Variants in THSD7A observed in about 807,000 individuals in gnomAD.
The protein encoded by THSD7A is thrombospondin type 1 domain containing 7A, also known as thrombospondin type-1 domain-containing protein 7A.
Under a neutral mutation model 231.3 loss-of-function variants are expected in THSD7A, and 96 were observed. That is an observed-to-expected ratio of 0.41 (90% CI 0.35 to 0.49). The LOEUF (loss-of-function observed/expected upper bound fraction) is 0.49, where lower values mean the gene tolerates loss of function less well. Ranked by LOEUF, THSD7A falls within the 20% of genes least tolerant of loss-of-function variation. The pLI, the probability that THSD7A is intolerant of heterozygous loss-of-function variation, is 0.05. For missense variants in THSD7A, 2,290 were observed against 2,070.2 expected (o/e 1.11, Z -2.06); for synonymous variants, 940 against 743.3 (o/e 1.26, Z -4.30).
chr7:11,588,834 T>C (rs1780029630), intron 4 of THSD7A, among the ~76,000 whole-genome samples: 1 of 152,224 alleles, frequency 6.6e-6, no homozygotes, highest in Non-Finnish European at 1.5e-5. Context: ...CAAGAAAATA[T>C]TAATGTCCTA....
intron 6 of THSD7A, among the ~76,000 whole-genome samples, chr7:11,511,377 C>T (rs1787801914): frequency 6.6e-6 from 1 of 152,272 alleles, no homozygotes; most frequent in Non-Finnish European, 1.5e-5. Flanking sequence ...TTTATAGATT[C>T]AATGCCATCC....
intron 1 of THSD7A, among the ~76,000 whole-genome samples, chr7:11,704,345 T>C (rs1018445990): frequency 3.3e-5 from 5 of 151,076 alleles, no homozygotes; most frequent in Admixed American, 2.6e-4. Context: ...TTGGTATATA[T>C]ACTGAAATAT....
At chr7:11,401,341 C>T (rs531593655) in intron 23 of THSD7A, among the ~76,000 whole-genome samples, 28 of 152,256 alleles carry the variant, frequency 1.8e-4, no homozygotes, top group African/African-American at 5.3e-4. Flanking sequence ...TCCATCTTTC[C>T]AATCTTTAGA....
chr7:11,554,127 T>C (rs1359242962), intron 4 of THSD7A, among the ~76,000 whole-genome samples: 2 of 151,994 alleles, frequency 1.3e-5, no homozygotes, highest in Non-Finnish European at 2.9e-5. Flanking sequence ...ATCAATGTAC[T>C]TTGGTTGTAT....
intron 1 of THSD7A, among the ~76,000 whole-genome samples, chr7:11,813,077 C>T (rs533976059): frequency 3.9e-5 from 6 of 152,284 alleles, no homozygotes; most frequent in Admixed American, 3.3e-4. Context: ...AACAGGTTAG[C>T]ATTGAAAGTT....
At chr7:11,683,409 A>T (rs369374026) in intron 1 of THSD7A, among the ~76,000 whole-genome samples, 12 of 152,184 alleles carry the variant, frequency 7.9e-5, no homozygotes, top group Admixed American at 3.9e-4. Context: ...GAGACCAAAA[A>T]ATCTATACAA....
chr7:11,707,797 T>G (rs892599474), intron 1 of THSD7A, among the ~76,000 whole-genome samples: 10 of 150,882 alleles, frequency 6.6e-5, no homozygotes, highest in African/African-American at 2.2e-4. Context: ...TCATTCAGCT[T>G]GAGCCAAAAT....
intron 1 of THSD7A, among the ~76,000 whole-genome samples, chr7:11,750,714 G>A (rs542235237): frequency 2.6e-5 from 4 of 152,042 alleles, no homozygotes; most frequent in Admixed American, 6.6e-5. Flanking sequence ...AGGAAGATCC[G>A]GCACTTGTAC....
At chr7:11,815,807 AT>A in intron 1 of THSD7A, among the ~76,000 whole-genome samples, 2 of 152,180 alleles carry the variant, frequency 1.3e-5, no homozygotes, top group Admixed American at 6.5e-5. Flanking sequence ...TAAACTTATT[AT>A]TATGAAAAGA....
intron 8 of THSD7A, among the ~76,000 whole-genome samples, chr7:11,472,391 T>A (rs1785972695): frequency 6.6e-6 from 1 of 152,166 alleles, no homozygotes; most frequent in Non-Finnish European, 1.5e-5. Context: ...TAAAACAAAT[T>A]TTCAATTTGC....
At chr7:11,816,695 A>G (rs1247631838) in intron 1 of THSD7A, among the ~76,000 whole-genome samples, 1 of 151,084 alleles carries the variant, frequency 6.6e-6, no homozygotes, top group Admixed American at 6.6e-5. Context: ...AAAACTTTGT[A>G]AAATAAAATC....
Position 11,424,736 on chromosome 7 carries a change from G to T in THSD7A, c.3343C>A (p.Arg1115=), listed in dbSNP as rs749274592. 3 of 1,613,912 alleles carry T rather than the reference G, an allele frequency of 1.9e-6. No individual in the cohort carries two copies. Among genetic ancestry groups the T allele is most frequent in the Non-Finnish European group, 2.5e-6 (3 of 1,179,872 alleles). Residue 1115 remains arginine, a synonymous_variant, in exon 16 of 28, where the codon CGG becomes AGG. Coordinates refer to ENST00000423059, the MANE Select transcript of THSD7A (RefSeq NM_015204.3). ...SICKVTFVNM[R]ENCGEGVQTR... is the part of the protein sequence containing the mutation. Reference sequence around the variant, plus strand: ...TGCACGCCCTCTCCACAGTTCTCCCGCATATTCACAAAGGTCACCTTGCAG... The same window carrying T: ...TGCACGCCCTCTCCACAGTTCTCCCTCATATTCACAAAGGTCACCTTGCAG...
intron 1 of THSD7A, among the ~76,000 whole-genome samples, chr7:11,688,920 A>G (rs1195132635): frequency 1.3e-5 from 2 of 151,870 alleles, no homozygotes; most frequent in Non-Finnish European, 2.9e-5. Flanking sequence ...AGTATATAAT[A>G]AAAATAGACT....
chr7:11,458,711 G>A (rs1386658797), intron 11 of THSD7A, among the ~76,000 whole-genome samples: 1 of 152,082 alleles, frequency 6.6e-6, no homozygotes, highest in Non-Finnish European at 1.5e-5. Context: ...CAGAGGGAGT[G>A]GGTAACAAGT....
At chr7:11,441,689 T>G (rs746799097) in intron 13 of THSD7A, among the ~76,000 whole-genome samples, 16 of 152,076 alleles carry the variant, frequency 1.1e-4, no homozygotes, top group East Asian at 1.9e-4. Flanking sequence ...AAGATGATAT[T>G]GGTTGATGAA....
At chr7:11,762,995 C>T (rs910725155) in intron 1 of THSD7A, among the ~76,000 whole-genome samples, 6 of 152,098 alleles carry the variant, frequency 3.9e-5, no homozygotes, top group African/African-American at 1.4e-4. Flanking sequence ...AATAGCCAAA[C>T]AATCCTAAGC....
intron 4 of THSD7A, among the ~76,000 whole-genome samples, chr7:11,577,537 G>C (rs1454956746): frequency 1.3e-5 from 2 of 151,678 alleles, no homozygotes; most frequent in African/African-American, 4.8e-5. Context: ...GACTGATCTT[G>C]AACTCCTGGC....
chr7:11,585,837 G>A (rs1470371474), intron 4 of THSD7A, among the ~76,000 whole-genome samples: 1 of 152,060 alleles, frequency 6.6e-6, no homozygotes. Flanking sequence ...GAACATCTCT[G>A]AGGCATGTGA....
rs148095009 is a variant in THSD7A at position 11,505,485 on chromosome 7, CAAAA to C, written c.1823-23507_1823-23504del. On this transcript the variant is annotated intron_variant, in intron 6 of 27. Transcript: ENST00000423059. ...TAATTTAAAAGATTTGAACAGAAGA[CAAAA>C]GAAAGAAGGCAAAGTAATTCTCATA... Among the ~76,000 whole-genome samples, 346 of 149,026 alleles carry C rather than the reference CAAAA, an allele frequency of 2.3e-3. 2 individuals carry two copies. The highest frequency in any genetic ancestry group is 8.4e-3 in the African/African-American group (339 of 40,392).
Sources: allele counts gnomAD v4.1 joint callset (sites outside exome capture counted in the v4.1 genomes callset), GRCh38; gene constraint gnomAD v4.1.1; transcripts MANE v1.5; gene names NCBI Gene and HGNC (gene_info 2026-07-23, HGNC 2026-07-21).